Variants in NRG3 observed in about 807,000 individuals in gnomAD.
The protein encoded by NRG3 is neuregulin 3.
In NRG3, 31 loss-of-function variants were observed where a neutral mutation model predicts 66.9. That is an observed-to-expected ratio of 0.46 (90% confidence interval 0.35 to 0.63). NRG3 has a LOEUF of 0.63. Among genes scored for constraint, NRG3 ranks in the 20% least tolerant of loss-of-function variants. The pLI, the probability that NRG3 is intolerant of heterozygous loss-of-function variation, is 0.00. For missense variants in NRG3, 910 were observed against 878.9 expected (o/e 1.04, Z -0.45); for synonymous variants, 393 against 359.4 (o/e 1.09, Z -1.06).
chr10:82,695,823 A>T (rs1351022133), intron 2 of NRG3, among the ~76,000 whole-genome samples: 1 of 152,106 alleles, frequency 6.6e-6, no homozygotes, highest in Non-Finnish European at 1.5e-5. Flanking sequence ...CTAGGGAATG[A>T]CAACCTCACT....
At chr10:82,182,953 T>G (rs1378958077) in intron 1 of NRG3, among the ~76,000 whole-genome samples, 2 of 152,044 alleles carry the variant, frequency 1.3e-5, no homozygotes, top group Non-Finnish European at 2.9e-5. Context: ...ACTTCATTTT[T>G]GACTGCAAGG....
chr10:82,348,623 A>G (rs2083197776), intron 1 of NRG3, among the ~76,000 whole-genome samples: 2 of 146,746 alleles, frequency 1.4e-5, no homozygotes, highest in Non-Finnish European at 3.0e-5. Context: ...CTGCCTTGCT[A>G]GATTGGGGAA....
chr10:82,629,168 A>G (rs1414343532), intron 2 of NRG3, among the ~76,000 whole-genome samples: 1 of 152,308 alleles, frequency 6.6e-6, no homozygotes, highest in African/African-American at 2.4e-5. Flanking sequence ...ACCTTTTCCC[A>G]GTATTGTCAA....
intron 2 of NRG3, among the ~76,000 whole-genome samples, chr10:82,404,738 C>T (rs1488574073): frequency 6.6e-6 from 1 of 152,112 alleles, no homozygotes; most frequent in East Asian, 1.9e-4. Context: ...GAGTCTATTA[C>T]AGTTAATCTT....
At chr10:82,179,993 T>A (rs1017311050) in intron 1 of NRG3, among the ~76,000 whole-genome samples, 2 of 151,892 alleles carry the variant, frequency 1.3e-5, no homozygotes, top group Non-Finnish European at 2.9e-5. Flanking sequence ...TTATTATTTT[T>A]AATGCTATTG....
intron 1 of NRG3, among the ~76,000 whole-genome samples, chr10:82,279,322 A>G (rs544007908): frequency 6.6e-6 from 1 of 152,300 alleles, no homozygotes; most frequent in African/African-American, 2.4e-5. Flanking sequence ...ACCTGCTGAA[A>G]AGAACCATCA....
At chr10:81,951,975 A>C (rs548610656) in intron 1 of NRG3, among the ~76,000 whole-genome samples, 1 of 152,244 alleles carries the variant, frequency 6.6e-6, no homozygotes, top group South Asian at 2.1e-4. Flanking sequence ...CTTTGTAGGG[A>C]CATGGATGAA....
intron 1 of NRG3, among the ~76,000 whole-genome samples, chr10:82,073,534 A>C (rs1270962646): frequency 6.6e-6 from 1 of 151,964 alleles, no homozygotes; most frequent in Non-Finnish European, 1.5e-5. Flanking sequence ...AGTGACCTAC[A>C]TTTTTGTCTC....
chr10:82,873,291 G>A (rs1005197937), intron 4 of NRG3, among the ~76,000 whole-genome samples: 1 of 152,132 alleles, frequency 6.6e-6, no homozygotes, highest in African/African-American at 2.4e-5. Context: ...AAAGAGAGTT[G>A]ATAGAAAATC....
chr10:82,383,386 AATTT>A (rs1349511009), intron 2 of NRG3, among the ~76,000 whole-genome samples: 6 of 151,432 alleles, frequency 4.0e-5, no homozygotes, highest in African/African-American at 1.5e-4. Context: ...TTCATACCTA[AATTT>A]ATTTACTTAT....
chr10:81,922,376 C>A (rs560340102), intron 1 of NRG3, among the ~76,000 whole-genome samples: 1 of 152,086 alleles, frequency 6.6e-6, no homozygotes, highest in Non-Finnish European at 1.5e-5. Context: ...TACATTGTAC[C>A]ACTTAAGTAA....
chr10:81,999,391 T>C (rs2061077621), intron 1 of NRG3, among the ~76,000 whole-genome samples: 1 of 152,192 alleles, frequency 6.6e-6, no homozygotes, highest in Admixed American at 6.5e-5. Flanking sequence ...TTTTGAAGAA[T>C]TGAGATCATT....
intron 1 of NRG3, among the ~76,000 whole-genome samples, chr10:82,316,343 A>T (rs1408602722): frequency 6.6e-6 from 1 of 152,162 alleles, no homozygotes; most frequent in Non-Finnish European, 1.5e-5. Flanking sequence ...TAAATTAAGT[A>T]TACAATTTGT....
intron 2 of NRG3, among the ~76,000 whole-genome samples, chr10:82,406,455 T>C (rs1402558605): frequency 6.6e-6 from 1 of 152,162 alleles, no homozygotes; most frequent in African/African-American, 2.4e-5. Flanking sequence ...CTGGTTCCAC[T>C]GAAAGTTCAT....
At chr10:81,877,685 G>T in intron 1 of NRG3, 7 of 1,299,808 alleles carry the variant, frequency 5.4e-6, no homozygotes, top group Non-Finnish European at 5.8e-6. Context: ...TAAATTGGGA[G>T]ACAGGAAGGA....
chr10:82,070,194 C>T (rs2064724698), intron 1 of NRG3, among the ~76,000 whole-genome samples: 1 of 152,108 alleles, frequency 6.6e-6, no homozygotes, highest in Non-Finnish European at 1.5e-5. Context: ...AGAGTGATCT[C>T]CCTGTCTCCC....
At chr10:82,319,384 C>T (rs1341829921) in intron 1 of NRG3, among the ~76,000 whole-genome samples, 1 of 152,202 alleles carries the variant, frequency 6.6e-6, no homozygotes, top group Non-Finnish European at 1.5e-5. Flanking sequence ...GATAATGAGG[C>T]TGTTGTATGC....
At chr10:82,938,097 C>T (rs1217638125) in intron 4 of NRG3, among the ~76,000 whole-genome samples, 1 of 151,920 alleles carries the variant, frequency 6.6e-6, no homozygotes, top group Non-Finnish European at 1.5e-5. Context: ...CGAATTTCTC[C>T]CTTGATTGAC....
chr10:81,946,888 G>C (rs1326817028), intron 1 of NRG3, among the ~76,000 whole-genome samples: 1 of 152,152 alleles, frequency 6.6e-6, no homozygotes, highest in Non-Finnish European at 1.5e-5. Context: ...GCCTGGTCTT[G>C]CTTAGTATCG....
Sources: gnomAD v4.1 joint callset for allele counts (sites outside exome capture counted in the v4.1 genomes callset) on GRCh38, gnomAD v4.1.1 for gene constraint, MANE v1.5 for transcripts, NCBI Gene and HGNC (gene_info 2026-07-23, HGNC 2026-07-21) for gene names.